The following PTPRN2 variants were observed in gnomAD, a reference collection of about 807,000 sequenced individuals.
PTPRN2 encodes receptor-type tyrosine-protein phosphatase N2.
A neutral mutation model predicts 118.8 loss-of-function variants in PTPRN2; 74 were observed. The observed-to-expected ratio is 0.62, with a 90% CI of 0.52 to 0.76. PTPRN2 has a LOEUF of 0.76. PTPRN2 is among the 30% of genes least tolerant of loss of function. The pLI, the probability that PTPRN2 is intolerant of heterozygous loss-of-function variation, is 0.00. For missense variants in PTPRN2, 1,481 were observed against 1,394.4 expected (o/e 1.06, Z -0.99); for synonymous variants, 641 against 608.0 (o/e 1.05, Z -0.80).
chr7:158,343,264 A>T (rs1038784196), intron 2 of PTPRN2, among the ~76,000 whole-genome samples: 2 of 152,220 alleles, frequency 1.3e-5, no homozygotes, highest in East Asian at 3.9e-4. Flanking sequence ...TTTTCTCCAG[A>T]GAAGATGTAC....
intron 12 of PTPRN2, among the ~76,000 whole-genome samples, chr7:157,840,555 G>T (rs1206296942): frequency 6.6e-6 from 1 of 152,236 alleles, no homozygotes; most frequent in African/African-American, 2.4e-5. Context: ...GGAGTGGAGA[G>T]GGTACGGGAC....
chr7:157,725,977 G>A (rs71544503), intron 12 of PTPRN2, among the ~76,000 whole-genome samples: 21 of 101,910 alleles, frequency 2.1e-4, no homozygotes, highest in Admixed American at 3.9e-4. Context: ...ATGCAGAGGA[G>A]TGAGCCAGAC....
At chr7:158,332,777 TC>T (rs1265416490) in intron 2 of PTPRN2, among the ~76,000 whole-genome samples, 2 of 150,746 alleles carry the variant, frequency 1.3e-5, no homozygotes, top group Non-Finnish European at 2.9e-5. Flanking sequence ...ACCCATACTC[TC>T]ACCATAAGAG....
chr7:157,715,574 G>A (rs537949716), intron 12 of PTPRN2, among the ~76,000 whole-genome samples: 27 of 152,326 alleles, frequency 1.8e-4, no homozygotes, highest in African/African-American at 4.8e-4. Flanking sequence ...CAGGCACTGC[G>A]CTGGTGTAAG....
chr7:158,131,019 CAT>C (rs1033480160), intron 9 of PTPRN2, among the ~76,000 whole-genome samples: 5 of 149,698 alleles, frequency 3.3e-5, no homozygotes, highest in African/African-American at 7.6e-5. Context: ...CTGACATACT[CAT>C]ATACACACAC....
rs116117522 is a variant in PTPRN2, at chr7:157,635,385, G to C, written c.2197-13876C>G. Among the ~76,000 whole-genome samples the C allele has an allele frequency of 2.4e-3, 369 of 152,374 alleles. 4 individuals carry two copies. Among genetic ancestry groups the C allele is most frequent in the African/African-American group, 8.6e-3 (356 of 41,584 alleles). ...ATGTGTGCCAGGCACATGGGTTTCA[G>C]GTAACAGTCACCTTCACTTTGGAAG... On this transcript the variant is annotated intron_variant, in intron 14 of 22. Coordinates refer to ENST00000389418, the MANE Select transcript of PTPRN2 (RefSeq NM_002847.5).
Position 157,951,648 on chromosome 7 carries a change from G to A in PTPRN2, c.1724-52911C>T, listed in dbSNP as rs550560842. 5.6e-4 allele frequency among the ~76,000 whole-genome samples: 86 copies of A among 152,302 alleles called. 1 individual carries two copies. The highest frequency in any genetic ancestry group is 4.1e-3 in the South Asian group (20 of 4,824). On this transcript the variant is annotated intron_variant, in intron 11 of 22. Coordinates refer to ENST00000389418, the MANE Select transcript of PTPRN2 (RefSeq NM_002847.5). ...ACGATGTTCCCGTGATCAGAATCAC[G>A]GGCTAACGTCCCTCCGCTTCCGCAG... is the stretch of plus-strand genomic sequence containing the variant.
chr7:158,572,940 T>G (rs1828125218), intron 1 of PTPRN2, among the ~76,000 whole-genome samples: 1 of 152,244 alleles, frequency 6.6e-6, no homozygotes, highest in Non-Finnish European at 1.5e-5. Flanking sequence ...GATTTACATT[T>G]TATTCCAACT....
In PTPRN2 at chr7:157,615,698, C is replaced by T. The variant is rs1402251934; in HGVS notation, c.2344+5664G>A. 7 of 439,252 alleles carry T rather than the reference C, an allele frequency of 1.6e-5. No homozygotes were observed. Among genetic ancestry groups the T allele is most frequent in the East Asian group, 7.1e-5 (1 of 13,998 alleles). The allele number at this position is 439,252 out of a possible 1,614,324, so 27.2% of individuals were successfully genotyped here. A position where few individuals can be genotyped will look rare whatever the true frequency, so the allele number is the denominator to read the frequency against. ...TGTTTATAAAACGAGCAGATGGTGC[C>T]GAGCTGAGAGGGAGGTGACGCAGTG... On this transcript the variant is annotated intron_variant, in intron 15 of 22. Coordinates refer to ENST00000389418, the MANE Select transcript of PTPRN2 (RefSeq NM_002847.5). The surrounding 1 kb of genome is among the most constrained non-coding windows in gnomAD (Gnocchi z 4.3).
In PTPRN2 at chr7:158,438,517, C is replaced by G. The variant is rs1816747169; in HGVS notation, c.163+51218G>C. Among the ~76,000 whole-genome samples the G allele has an allele frequency of 6.6e-6, 1 of 152,134 alleles. No homozygotes were observed. ...ATCTTGGCCTCTCAAATCCCGGTTGCCTCCGCAGCTCCCCAAAGCAGGCAT... is the reference window on the plus strand; with the variant it reads ...ATCTTGGCCTCTCAAATCCCGGTTGGCTCCGCAGCTCCCCAAAGCAGGCAT... On this transcript the variant is annotated intron_variant, in intron 2 of 22. Transcript: ENST00000389418. The surrounding 1 kb of genome is among the most constrained non-coding windows in gnomAD (Gnocchi z 4.7).
At chr7:158,071,159 G>A (rs1201661716) in intron 11 of PTPRN2, among the ~76,000 whole-genome samples, 7 of 35,190 alleles carry the variant, frequency 2.0e-4, no homozygotes, top group Admixed American at 2.9e-4. Context: ...GGAGGTGCTC[G>A]TGGTGGAGGT....
intron 9 of PTPRN2, among the ~76,000 whole-genome samples, chr7:158,124,872 G>C (rs1817492163): frequency 6.6e-6 from 1 of 152,244 alleles, no homozygotes; most frequent in African/African-American, 2.4e-5. Flanking sequence ...ATTTGGTTTT[G>C]TCGAGTCCTC....
rs1215149750 is a variant in PTPRN2, at chr7:157,801,789, G to A, written c.1788+96884C>T. ...CGCCCGCTTAGTGGAAGAACAGAAC[G>A]GCCGCACAGAAAGTGCTTGGTCCTT... is the stretch of plus-strand genomic sequence containing the variant. On this transcript the variant is annotated intron_variant, in intron 12 of 22. Coordinates refer to ENST00000389418, the MANE Select transcript of PTPRN2 (RefSeq NM_002847.5). This position sits in a 1 kb window ranked among gnomAD's most constrained non-coding sequence, Gnocchi z 4.2. 6.6e-6 allele frequency among the ~76,000 whole-genome samples: 1 copy of A among 152,168 alleles called. No homozygotes were observed. Among genetic ancestry groups the A allele is most frequent in the East Asian group, 1.9e-4 (1 of 5,194 alleles).
At chr7:158,136,158 C>A (rs777426292) in intron 8 of PTPRN2, among the ~76,000 whole-genome samples, 1 of 152,198 alleles carries the variant, frequency 6.6e-6, no homozygotes, top group Non-Finnish European at 1.5e-5. Flanking sequence ...ACTAACGTGC[C>A]GCCGACCTGA....
At chr7:158,495,932 C>T (rs1210560028) in intron 1 of PTPRN2, among the ~76,000 whole-genome samples, 1 of 152,020 alleles carries the variant, frequency 6.6e-6, no homozygotes, top group African/African-American at 2.4e-5. Context: ...AGGAGGAAGG[C>T]TCCTCCCAGA....
chr7:158,270,921 CCACCCCCCCCACCT>C (rs1798405992), intron 3 of PTPRN2, among the ~76,000 whole-genome samples: 8 of 65,490 alleles, frequency 1.2e-4, no homozygotes, highest in East Asian at 7.9e-4. Context: ...CCCACCTGGA[CCACCCCCCCCACCT>C]GGACCACCCC....
intron 6 of PTPRN2, among the ~76,000 whole-genome samples, chr7:158,152,191 A>AAAAT (rs1554561530): frequency 1.5e-4 from 22 of 145,248 alleles, no homozygotes; most frequent in African/African-American, 3.2e-4. Context: ...AAAAAAAAAA[A>AAAAT]CCATGAATGC....
chr7:158,340,504 G>C (rs1317069242), intron 2 of PTPRN2, among the ~76,000 whole-genome samples: 1 of 112,194 alleles, frequency 8.9e-6, no homozygotes, highest in Admixed American at 9.5e-5. Flanking sequence ...ACCTGCAGAC[G>C]TCACTCACAC....
intron 6 of PTPRN2, among the ~76,000 whole-genome samples, chr7:158,165,528 C>T (rs781408691): frequency 7.2e-5 from 11 of 152,242 alleles, no homozygotes; most frequent in South Asian, 6.2e-4. Context: ...ACTGCCATAA[C>T]GGCTGCATGA....
Sources: gnomAD v4.1 joint callset for allele counts (sites outside exome capture counted in the v4.1 genomes callset) on GRCh38, gnomAD v4.1.1 for gene constraint, Gnocchi (gnomAD v3.1) non-coding constraint, MANE v1.5 for transcripts, NCBI Gene and HGNC (gene_info 2026-07-23, HGNC 2026-07-21) for gene names.